Variants in PLEKHA7 observed in about 807,000 individuals in gnomAD.
PLEKHA7 encodes the protein pleckstrin homology domain containing A7.
A neutral mutation model predicts 170.0 loss-of-function variants in PLEKHA7; 104 were observed. The observed-to-expected ratio is 0.61, with a 90% CI of 0.52 to 0.72. PLEKHA7 has a LOEUF of 0.72. PLEKHA7 is among the 30% of genes least tolerant of loss of function. The pLI is 0.00. For missense variants in PLEKHA7, 1,615 were observed against 1,671.7 expected, an observed-to-expected ratio of 0.97 and a Z score of 0.59; for synonymous variants, 648 against 660.8, an observed-to-expected ratio of 0.98 and a Z score of 0.30.
chr11:16,985,675 T>C (rs1007490431), intron 3 of PLEKHA7, among the ~76,000 whole-genome samples: 2 of 152,244 alleles, frequency 1.3e-5, no homozygotes, highest in Non-Finnish European at 2.9e-5. Flanking sequence ...TGTTACTTAA[T>C]ACTGTGCTGA....
intron 3 of PLEKHA7, among the ~76,000 whole-genome samples, chr11:16,934,060 G>A (rs547798353): frequency 6.6e-6 from 1 of 152,296 alleles, no homozygotes; most frequent in Admixed American, 6.5e-5. Context: ...CTCTGGTCCT[G>A]GAGGAGAGGC....
At chr11:16,875,237 C>T (rs1292416916) in intron 3 of PLEKHA7, among the ~76,000 whole-genome samples, 1 of 152,184 alleles carries the variant, frequency 6.6e-6, no homozygotes, top group Non-Finnish European at 1.5e-5. Flanking sequence ...TTACATTCAT[C>T]ATCTTATTTG....
At chr11:16,924,850 G>A (rs1375908466) in intron 3 of PLEKHA7, among the ~76,000 whole-genome samples, 1 of 152,176 alleles carries the variant, frequency 6.6e-6, no homozygotes, top group African/African-American at 2.4e-5. Flanking sequence ...GCTTGCCGGC[G>A]TTGCCATAAA....
At chr11:16,917,601 T>G (rs532150394) in intron 3 of PLEKHA7, among the ~76,000 whole-genome samples, 4 of 152,172 alleles carry the variant, frequency 2.6e-5, no homozygotes, top group Non-Finnish European at 4.4e-5. Flanking sequence ...TTTCCTTCCC[T>G]TACTCTGATC....
At chr11:16,955,661 C>T (rs1246140673) in intron 3 of PLEKHA7, among the ~76,000 whole-genome samples, 2 of 152,086 alleles carry the variant, frequency 1.3e-5, no homozygotes, top group Non-Finnish European at 2.9e-5. Flanking sequence ...ATTGTTTTTT[C>T]CCCTCCAGGC....
chr11:16,814,674 C>T (rs182093884), intron 12 of PLEKHA7, among the ~76,000 whole-genome samples: 2 of 152,332 alleles, frequency 1.3e-5, no homozygotes, highest in Admixed American at 1.3e-4. Context: ...CTTCTGGTTC[C>T]ACTTGCCTTG....
At chr11:17,013,953 G>A (rs1391312685) in intron 3 of PLEKHA7, 36 bp downstream of exon 3, 3 of 1,505,368 alleles carry the variant, frequency 2.0e-6, no homozygotes, top group African/African-American at 1.5e-5. Flanking sequence ...CCCCCCCCGC[G>A]GCACAGGTGC....
Position 16,791,061 on chromosome 11 carries a change from C to T in PLEKHA7, c.2884G>A (p.Glu962Lys), listed in dbSNP as rs1285517550. The change falls in exon 20 of 27, where the codon GAG becomes AAG. Residue 962 changes from glutamate (E) to lysine (K), a missense_variant. By Grantham distance (56) the Glu-to-Lys change is moderately conservative. Transcript: ENST00000531066. This position sits in a 1 kb window ranked among gnomAD's most constrained non-coding sequence, Gnocchi z 4.5. ...SVRGLKRQSD[E>K]RKRDRELGQC... is the part of the protein sequence containing the mutation. ...CCCAGCTCCCGGTCTCGCTTCCTCT[C>T]GTCTGACTGCCGCTTGAGGCCCCGC... 1.2e-6 allele frequency: 2 copies of T among 1,614,170 alleles called. No individual in the cohort carries two copies. Among genetic ancestry groups the T allele is most frequent in the East Asian group, 2.2e-5 (1 of 44,868 alleles).
chr11:16,884,945 G>A (rs1855970684), intron 3 of PLEKHA7, among the ~76,000 whole-genome samples: 1 of 152,208 alleles, frequency 6.6e-6, no homozygotes, highest in Non-Finnish European at 1.5e-5. Context: ...TTTGTTATCT[G>A]CTAAGCCTCT....
At chr11:16,828,839 G>A (rs996085277) in intron 9 of PLEKHA7, among the ~76,000 whole-genome samples, 2 of 152,174 alleles carry the variant, frequency 1.3e-5, no homozygotes, top group Admixed American at 1.3e-4. Flanking sequence ...CTGGGACTTG[G>A]GTTGGAGCTG....
intron 10 of PLEKHA7, among the ~76,000 whole-genome samples, chr11:16,820,146 G>A (rs971190111): frequency 5.3e-5 from 8 of 152,310 alleles, no homozygotes; most frequent in Middle Eastern, 3.4e-3. Flanking sequence ...TCTGGGGATG[G>A]TGCCCAGGCA....
chr11:16,832,672 T>C (rs951549492), intron 9 of PLEKHA7, among the ~76,000 whole-genome samples: 10 of 152,204 alleles, frequency 6.6e-5, no homozygotes, highest in Admixed American at 1.3e-4. Flanking sequence ...TTGTAGGGGC[T>C]TGATTGAACC....
intron 23 of PLEKHA7, 151 bp from the exon 24 acceptor site, chr11:16,786,538 C>T (rs1011288028): frequency 7.7e-5 from 76 of 985,238 alleles, no homozygotes; most frequent in Middle Eastern, 5.2e-4. Flanking sequence ...AGCTGCTGTC[C>T]CCTTCATATG....
chr11:16,985,545 G>A (rs757345312), intron 3 of PLEKHA7, among the ~76,000 whole-genome samples: 2 of 152,162 alleles, frequency 1.3e-5, no homozygotes, highest in Non-Finnish European at 2.9e-5. Context: ...GGGTGGGGGT[G>A]GGGACAGCCA....
At chr11:16,897,308 C>T (rs1331435679) in intron 3 of PLEKHA7, among the ~76,000 whole-genome samples, 1 of 152,188 alleles carries the variant, frequency 6.6e-6, no homozygotes, top group Admixed American at 6.5e-5. Flanking sequence ...CGAGAGACGT[C>T]ATCATCTTGT....
intron 3 of PLEKHA7, among the ~76,000 whole-genome samples, chr11:16,888,246 C>A (rs1262373541): frequency 6.6e-6 from 1 of 152,150 alleles, no homozygotes; most frequent in Non-Finnish European, 1.5e-5. Flanking sequence ...CAGCAGCCGC[C>A]CCGTCCAGGA....
intron 3 of PLEKHA7, among the ~76,000 whole-genome samples, chr11:16,989,631 C>A (rs1373780986): frequency 6.6e-6 from 1 of 152,238 alleles, no homozygotes; most frequent in African/African-American, 2.4e-5. Context: ...CATCTCCCCA[C>A]ACTGGACTGT....
chr11:16,953,446 A>G lies in PLEKHA7; in HGVS notation c.221+60543T>C, dbSNP rs556832101. ...CTTGTGCCAAAAGAAAATGAACACA[A>G]TAAGAACAATTTTGTACACTATTTC... is the stretch of plus-strand genomic sequence containing the variant. On this transcript the variant is annotated intron_variant, in intron 3 of 26. Transcript: ENST00000531066. Among the ~76,000 whole-genome samples, 37 of 152,378 alleles carry G rather than the reference A, an allele frequency of 2.4e-4. 1 individual carries two copies. The South Asian group carries it at 5.6e-3, about 23-fold the overall frequency.
intron 3 of PLEKHA7, among the ~76,000 whole-genome samples, chr11:17,013,501 T>C (rs1008398674): frequency 6.6e-6 from 1 of 151,970 alleles, no homozygotes; most frequent in Non-Finnish European, 1.5e-5. Context: ...TCCAAGACCA[T>C]CCCAGAGCCT....
Sources: allele counts gnomAD v4.1 joint callset (sites outside exome capture counted in the v4.1 genomes callset), GRCh38; gene constraint gnomAD v4.1.1; non-coding constraint Gnocchi (gnomAD v3.1); transcripts MANE v1.5; gene names NCBI Gene and HGNC (gene_info 2026-07-23, HGNC 2026-07-21).